Variants in HHIPL2 observed in about 807,000 individuals in gnomAD.
HHIPL2 encodes the protein HHIP like 2.
In HHIPL2, 61 loss-of-function variants were observed where a neutral mutation model predicts 61.0. The ratio of observed to expected loss-of-function variants is 1.00; its 90% CI spans 0.81 to 1.24. The LOEUF is 1.24. HHIPL2 is among the 50% of genes most tolerant of loss of function. The probability of loss-of-function intolerance (pLI) is 0.00; values close to 1 mark genes in which losing one functional copy is unlikely to be tolerated. For missense variants in HHIPL2, 885 were observed against 910.2 expected, an observed-to-expected ratio of 0.97 and a Z score of 0.36; for synonymous variants, 343 against 357.4, an observed-to-expected ratio of 0.96 and a Z score of 0.45.
At position 222,543,830 on chromosome 1, in the gene HHIPL2, G is replaced by T. The variant is rs145415446; in HGVS notation, c.681C>A (p.Asp227Glu). The T allele has an allele frequency of 4.3e-6, 7 of 1,614,128 alleles. No homozygotes were observed. Among genetic ancestry groups the T allele is most frequent in the Non-Finnish European group, 5.9e-6 (7 of 1,180,028 alleles). The change falls in exon 2 of 9, where the codon GAC becomes GAA. Residue 227 changes from aspartate (D) to glutamate (E), a missense_variant. Transcript: ENST00000343410. ...RNPVSMVHAGDGTHRFFVAEQ... is the reference protein window; with the variant it reads ...RNPVSMVHAGEGTHRFFVAEQ... ...CGGCAACAAAGAAGCGATGGGTGCC[G>T]TCCCCAGCATGGACCATGGAGACGG...
chr1:222,545,565 G>A (rs934717764), intron 1 of HHIPL2, among the ~76,000 whole-genome samples: 1 of 152,118 alleles, frequency 6.6e-6, no homozygotes, highest in Non-Finnish European at 1.5e-5. Context: ...AAGGGAGAAG[G>A]GAGGCTGAAT....
chr1:222,530,594 C>G (rs17163157), intron 6 of HHIPL2, among the ~76,000 whole-genome samples: 39,438 of 152,050 alleles, frequency 0.26, 5,304 homozygotes, highest in Non-Finnish European at 0.29. Context: ...GGAAAGGGTC[C>G]GGGAGCTGAC....
At chr1:222,533,406 C>G (rs1005336741) in intron 5 of HHIPL2, among the ~76,000 whole-genome samples, 1 of 151,308 alleles carries the variant, frequency 6.6e-6, no homozygotes, top group African/African-American at 2.4e-5. Flanking sequence ...GAAAAAGAAT[C>G]ACTGCATATT....
At chr1:222,526,705 C>CAAAA (rs1187186640) in intron 7 of HHIPL2, among the ~76,000 whole-genome samples, 8 of 54,256 alleles carry the variant, frequency 1.5e-4, no homozygotes, top group East Asian at 5.8e-4. Flanking sequence ...AACTCCATCT[C>CAAAA]AAAAAAAAAA....
intron 6 of HHIPL2, among the ~76,000 whole-genome samples, chr1:222,531,714 A>C (rs1659195689): frequency 6.6e-6 from 1 of 152,212 alleles, no homozygotes; most frequent in Non-Finnish European, 1.5e-5. Context: ...CGCCGCAGAC[A>C]GAGAGCAAGA....
chr1:222,540,263 C>T lies in HHIPL2; in HGVS notation c.1197G>A (p.Ser399=), dbSNP rs376492495. 9.9e-6 allele frequency: 16 copies of T among 1,614,112 alleles called. No individual in the cohort carries two copies. The African/African-American group carries it at 1.2e-4, about 12-fold the overall frequency. The change falls in exon 4 of 9, where the codon TCG becomes TCA. Residue 399 remains serine, a synonymous_variant. Transcript: ENST00000343410. ...GSHGKRYRVP[S]DNPFVSEPGA... The stretch of plus-strand genomic sequence containing the variant: ...CTGGCTCAGAAACAAATGGATTGTC[C>T]GAGGGGACTCGGTACCGCTTGCCAT...
At chr1:222,527,160 G>T in intron 6 of HHIPL2, 110 bp from the exon 7 acceptor site, 1 of 787,030 alleles carries the variant, frequency 1.3e-6, no homozygotes, top group South Asian at 1.7e-5. Context: ...AAAATGCAGT[G>T]AGCGCCAAGA....
chr1:222,527,469 T>A (rs1267967931), intron 6 of HHIPL2, among the ~76,000 whole-genome samples: 1 of 152,172 alleles, frequency 6.6e-6, no homozygotes, highest in Non-Finnish European at 1.5e-5. Flanking sequence ...GCCCCTTCTT[T>A]AGTCCTTTTG....
chr1:222,522,860 T>C lies in HHIPL2; in HGVS notation c.1916A>G (p.Gln639Arg). ...AKTVLDLLKE[Q>R]SEKAARKSSS... Reference sequence around the variant, plus strand: ...AGATTTTCTAGCAGCTTTCTCTGATTGTTCCTTTAGCAAGTCCAAGACTGT... The same window carrying C: ...AGATTTTCTAGCAGCTTTCTCTGATCGTTCCTTTAGCAAGTCCAAGACTGT... The change falls in exon 9 of 9, where the codon CAA becomes CGA. Residue 639 changes from glutamine to arginine, a missense_variant. Coordinates refer to ENST00000343410, the MANE Select transcript of HHIPL2 (RefSeq NM_024746.4). 3 of 1,614,194 alleles carry C rather than the reference T, an allele frequency of 1.9e-6. No homozygotes were observed. In the Middle Eastern group the frequency reaches 4.9e-4, roughly 266 times the overall value.
Position 222,540,166 on chromosome 1 carries a change from TG to T in HHIPL2, c.1293del (p.Ile432SerfsTer26). Reference sequence around the variant, plus strand: ...ATCCGGCCTCGGCCCTGGCGCGTGATGGGGTCCCCTCGGTCCACAGCACAAC... The same window carrying T: ...ATCCGGCCTCGGCCCTGGCGCGTGATGGGTCCCCTCGGTCCACAGCACAAC... ...MWRCAVDRGD[P>X]ITRQGRGRIF... is the part of the protein sequence containing the mutation. On this transcript the variant is annotated frameshift_variant, in exon 4 of 9. Coordinates refer to ENST00000343410, the MANE Select transcript of HHIPL2 (RefSeq NM_024746.4). LOFTEE classifies it high-confidence loss of function. 6.2e-7 allele frequency: 1 copy of T among 1,614,262 alleles called. No individual in the cohort carries two copies. Among genetic ancestry groups the T allele is most frequent in the African/African-American group, 1.3e-5 (1 of 75,076 alleles).
intron 5 of HHIPL2, among the ~76,000 whole-genome samples, chr1:222,534,060 T>C (rs1345337437): frequency 6.6e-6 from 1 of 152,260 alleles, no homozygotes; most frequent in Non-Finnish European, 1.5e-5. Context: ...CCACAGGGTA[T>C]AGGTAGAATT....
intron 7 of HHIPL2, among the ~76,000 whole-genome samples, chr1:222,526,705 CAAAAAAA>C (rs1187186640): frequency 2.0e-4 from 11 of 54,278 alleles, no homozygotes; most frequent in Non-Finnish European, 2.9e-4. Flanking sequence ...AACTCCATCT[CAAAAAAA>C]AAAAAAAAAA....
intron 7 of HHIPL2, among the ~76,000 whole-genome samples, chr1:222,524,452 G>A (rs1439700042): frequency 6.6e-6 from 1 of 152,214 alleles, no homozygotes; most frequent in Admixed American, 6.5e-5. Context: ...GTAGTGCTTA[G>A]GCACCATTCT....
At chr1:222,541,922 G>A (rs1659440125) in intron 3 of HHIPL2, 90 bp downstream of exon 3, 1 of 1,347,276 alleles carries the variant, frequency 7.4e-7, no homozygotes, top group Non-Finnish European at 1.0e-6. Flanking sequence ...ATCTTGCAGT[G>A]TGTGATTTGA....
At position 222,522,755 on chromosome 1, in the gene HHIPL2, C is replaced by T; in HGVS notation, c.2021G>A (p.Ser674Asn). ...AGGCCCTCGCAATGTATTCTTGCTG[C>T]TTGTAGGAGAAGCCAGCTTCTTGGA... The part of the protein sequence containing the change: ...GSSKKLASPT[S>N]SKNTLRGPGT... Residue 674 changes from serine to asparagine, a missense_variant, in exon 9 of 9, where the codon AGC (serine) becomes AAC (asparagine). By Grantham distance (46) the Ser-to-Asn change is conservative. Transcript: ENST00000343410. The T allele has an allele frequency of 1.2e-6, 2 of 1,614,174 alleles. No homozygotes were observed. The highest frequency in any genetic ancestry group is 1.7e-6 in the Non-Finnish European group (2 of 1,180,036).
At chr1:222,533,529 A>G (rs1659236562) in intron 5 of HHIPL2, among the ~76,000 whole-genome samples, 1 of 152,178 alleles carries the variant, frequency 6.6e-6, no homozygotes, top group Non-Finnish European at 1.5e-5. Context: ...GGACCTGACC[A>G]ATTAGTAACT....
chr1:222,542,307 A>T lies in HHIPL2; in HGVS notation c.975-152T>A. On this transcript the variant is annotated intron_variant, in intron 2 of 8. Transcript: ENST00000343410. The stretch of plus-strand genomic sequence containing the variant: ...AGTTTTTAAGGATCACAAAGCAAGT[A>T]GCTTTGGGGCTCTGAGATGCCCCTT... 6.5e-6 allele frequency: 5 copies of T among 773,194 alleles called. 1 individual carries two copies. In the South Asian group the frequency reaches 8.5e-5, roughly 13 times the overall value. 47.9% of individuals were successfully genotyped at this position (773,194 alleles called of 1,614,324 possible). A position where few individuals can be genotyped will look rare whatever the true frequency, so the allele number is the denominator to read the frequency against.
At chr1:222,527,391 T>C (rs1175585770) in intron 6 of HHIPL2, among the ~76,000 whole-genome samples, 1 of 152,208 alleles carries the variant, frequency 6.6e-6, no homozygotes, top group Non-Finnish European at 1.5e-5. Context: ...TCCCCACCTC[T>C]TTCCTCTGTG....
At position 222,544,011 on chromosome 1, in the gene HHIPL2, C is replaced by T. The variant is rs182677675; in HGVS notation, c.500G>A (p.Arg167His). Reference sequence around the variant, plus strand: ...AGGAAGGTCCAGGAGGTGGCAGAAGCGGGTACCGTCCCTTCCATGAGACTC... The same window carrying T: ...AGGAAGGTCCAGGAGGTGGCAGAAGTGGGTACCGTCCCTTCCATGAGACTC... ...LQESHGRDGT[R>H]FCHLLDLPDK... The change falls in exon 2 of 9, where the codon CGC becomes CAC. Residue 167 changes from arginine (R) to histidine (H), a missense_variant. Coordinates refer to ENST00000343410, the MANE Select transcript of HHIPL2 (RefSeq NM_024746.4). 2.5e-6 allele frequency: 4 copies of T among 1,614,092 alleles called. No homozygotes were observed. The highest frequency in any genetic ancestry group is 1.7e-5 in the Admixed American group (1 of 60,018).
Sources: allele counts gnomAD v4.1 joint callset (sites outside exome capture counted in the v4.1 genomes callset), GRCh38; gene constraint gnomAD v4.1.1; transcripts MANE v1.5; gene names NCBI Gene and HGNC (gene_info 2026-07-23, HGNC 2026-07-21).